Variants in GALNT14 observed in about 807,000 individuals in gnomAD.
GALNT14 encodes polypeptide N-acetylgalactosaminyltransferase 14, also known as UDP-GalNAc:polypeptide N-acetylgalactosaminyltransferase 14.
GALNT14 carries 60 observed loss-of-function variants against 77.5 expected under a neutral mutation model. That is an observed-to-expected ratio of 0.77 (90% CI 0.63 to 0.96). The LOEUF is 0.96. Ranked by LOEUF, GALNT14 falls within the 40% of genes least tolerant of loss-of-function variation. The pLI is 0.00. For synonymous variants in GALNT14, 280 were observed against 281.7 expected (o/e 0.99, Z 0.06); for missense variants, 710 against 731.0 (o/e 0.97, Z 0.33).
chr2:31,124,115 C>T (rs145466609), intron 1 of GALNT14, among the ~76,000 whole-genome samples: 1 of 152,306 alleles, frequency 6.6e-6, no homozygotes, highest in East Asian at 1.9e-4. Context: ...TTCGGACAAA[C>T]TTGATCCAGT....
At chr2:31,125,197 A>G (rs1470093764) in intron 1 of GALNT14, 2 of 1,550,602 alleles carry the variant, frequency 1.3e-6, no homozygotes, top group Non-Finnish European at 1.7e-6. Flanking sequence ...TGGGTGATAC[A>G]GGCACCTGAG....
chr2:31,100,069 TG>T (rs1242248587), intron 1 of GALNT14, among the ~76,000 whole-genome samples: 1 of 151,986 alleles, frequency 6.6e-6, no homozygotes, highest in Non-Finnish European at 1.5e-5. Context: ...ATATAGACCC[TG>T]GATATTTTTT....
intron 9 of GALNT14, among the ~76,000 whole-genome samples, chr2:30,934,287 T>C (rs1230186878): frequency 6.6e-6 from 1 of 152,098 alleles, no homozygotes; most frequent in African/African-American, 2.4e-5. Context: ...CACGTGTGAA[T>C]TTCAGTCTCA....
chr2:31,045,131 G>A (rs1673355363), intron 1 of GALNT14, among the ~76,000 whole-genome samples: 2 of 152,152 alleles, frequency 1.3e-5, no homozygotes, highest in Admixed American at 1.3e-4. Flanking sequence ...TGCAGGCAGG[G>A]ATGAGACTAC....
chr2:31,036,837 C>T (rs1446838786), intron 1 of GALNT14, among the ~76,000 whole-genome samples: 1 of 152,160 alleles, frequency 6.6e-6, no homozygotes, highest in Admixed American at 6.5e-5. Flanking sequence ...GCTTTCTGGC[C>T]TCCAAGGTTT....
intron 1 of GALNT14, among the ~76,000 whole-genome samples, chr2:31,044,472 G>C (rs1673300598): frequency 6.6e-6 from 1 of 152,188 alleles, no homozygotes; most frequent in Non-Finnish European, 1.5e-5. Context: ...ATGTAATTCA[G>C]AGCAAGATAA....
intron 1 of GALNT14, among the ~76,000 whole-genome samples, chr2:31,117,645 A>G (rs972687861): frequency 1.2e-4 from 19 of 152,344 alleles, no homozygotes; most frequent in African/African-American, 4.6e-4. Context: ...CAACTTTGGT[A>G]AAATTTTAAA....
At chr2:30,944,606 C>A (rs944511994) in intron 8 of GALNT14, among the ~76,000 whole-genome samples, 1 of 152,144 alleles carries the variant, frequency 6.6e-6, no homozygotes, top group African/African-American at 2.4e-5. Flanking sequence ...GCAGGAGGCA[C>A]AAGGACATCA....
intron 6 of GALNT14, among the ~76,000 whole-genome samples, chr2:30,953,664 T>C (rs185457659): frequency 4.6e-5 from 7 of 152,280 alleles, no homozygotes; most frequent in Admixed American, 4.6e-4. Context: ...ACTTATACTG[T>C]GCTTCCCTTT....
At chr2:31,107,968 C>G (rs1439228859) in intron 1 of GALNT14, among the ~76,000 whole-genome samples, 1 of 152,174 alleles carries the variant, frequency 6.6e-6, no homozygotes, top group East Asian at 1.9e-4. Context: ...CTCTCACCAC[C>G]TCCCCAGCAA....
At chr2:31,007,488 A>T (rs570929136) in intron 1 of GALNT14, among the ~76,000 whole-genome samples, 1 of 152,304 alleles carries the variant, frequency 6.6e-6, no homozygotes, top group South Asian at 2.1e-4. Context: ...TGGTGGCATG[A>T]TCCCTTCTGC....
intron 13 of GALNT14, 34 bp downstream of exon 13, chr2:30,924,085 C>A: frequency 6.2e-7 from 1 of 1,613,718 alleles, no homozygotes. Flanking sequence ...TCTACTGTGA[C>A]ACATGGTCCT....
At chr2:30,992,119 G>C (rs1669739455) in intron 2 of GALNT14, among the ~76,000 whole-genome samples, 1 of 152,196 alleles carries the variant, frequency 6.6e-6, no homozygotes, top group Non-Finnish European at 1.5e-5. Context: ...GATTGAGACT[G>C]ACCTGCTTAC....
At chr2:30,958,101 G>A (rs1423653820) in intron 4 of GALNT14, among the ~76,000 whole-genome samples, 4 of 152,196 alleles carry the variant, frequency 2.6e-5, no homozygotes, top group Non-Finnish European at 4.4e-5. Flanking sequence ...GTGACAGGAT[G>A]TCCCACGGGG....
At chr2:31,026,325 T>C (rs1006344944) in intron 1 of GALNT14, among the ~76,000 whole-genome samples, 2 of 152,218 alleles carry the variant, frequency 1.3e-5, no homozygotes, top group Non-Finnish European at 2.9e-5. Flanking sequence ...GTTGTTATTA[T>C]CCTTCTTAGT....
intron 2 of GALNT14, among the ~76,000 whole-genome samples, chr2:30,979,914 CG>C (rs1319293904): frequency 1.3e-5 from 2 of 152,220 alleles, no homozygotes; most frequent in Non-Finnish European, 2.9e-5. Flanking sequence ...TGCTGGCCCC[CG>C]GCTCTAAATC....
intron 13 of GALNT14, among the ~76,000 whole-genome samples, chr2:30,919,347 G>C (rs1229082326): frequency 6.6e-6 from 1 of 152,206 alleles, no homozygotes; most frequent in African/African-American, 2.4e-5. Context: ...GAGAGGAAGG[G>C]AAGGCAGGTG....
intron 1 of GALNT14, among the ~76,000 whole-genome samples, chr2:31,117,384 C>T (rs1427306971): frequency 1.3e-5 from 2 of 152,142 alleles, no homozygotes; most frequent in Non-Finnish European, 2.9e-5. Flanking sequence ...AAGAAATGTA[C>T]AACCCTATAT....
At chr2:31,025,431 G>A (rs1168843065) in intron 1 of GALNT14, among the ~76,000 whole-genome samples, 1 of 152,182 alleles carries the variant, frequency 6.6e-6, no homozygotes, top group Non-Finnish European at 1.5e-5. Flanking sequence ...ATAGGGAGAT[G>A]GATGGGGAGA....
Sources: gnomAD v4.1 joint callset for allele counts (sites outside exome capture counted in the v4.1 genomes callset) on GRCh38, gnomAD v4.1.1 for gene constraint, MANE v1.5 for transcripts, NCBI Gene and HGNC (gene_info 2026-07-23, HGNC 2026-07-21) for gene names.